Variants in RAD51C observed in about 807,000 individuals in gnomAD.
RAD51C encodes RAD51 paralog C.
Under a neutral mutation model 45.0 loss-of-function variants are expected in RAD51C, and 42 were observed. That is an observed-to-expected ratio of 0.93 (90% CI 0.73 to 1.21). The LOEUF is 1.21. Ranked by LOEUF, RAD51C falls within the 50% of genes most tolerant of loss-of-function variation. RAD51C has a pLI of 0.00. For synonymous variants in RAD51C, 172 were observed against 159.8 expected (o/e 1.08, Z -0.58); for missense variants, 474 against 452.2 (o/e 1.05, Z -0.44).
intron 5 of RAD51C, among the ~76,000 whole-genome samples, chr17:58,718,531 G>A (rs2048815340): frequency 6.6e-6 from 1 of 152,046 alleles, no homozygotes; most frequent in African/African-American, 2.4e-5. Context: ...TGTTTTCCCT[G>A]CTTTATTTAA....
chr17:58,719,527 AG>A (rs1368717560), intron 5 of RAD51C, among the ~76,000 whole-genome samples: 9 of 151,924 alleles, frequency 5.9e-5, no homozygotes, highest in African/African-American at 1.9e-4. Flanking sequence ...TTAAAAAAAA[AG>A]TTTTATGAGC....
chr17:58,733,804 C>T (rs535642909), intron 8 of RAD51C, among the ~76,000 whole-genome samples: 27 of 152,234 alleles, frequency 1.8e-4, no homozygotes, highest in Admixed American at 1.4e-3. Flanking sequence ...CTGCAACCTC[C>T]GCCTCCCAGG....
intron 4 of RAD51C, among the ~76,000 whole-genome samples, chr17:58,705,366 T>C (rs555491609): frequency 6.6e-6 from 1 of 150,942 alleles, no homozygotes; most frequent in Non-Finnish European, 1.5e-5. Context: ...GGAGTTTCGC[T>C]TTTGTCACCC....
chr17:58,731,438 T>C (rs1184121858), intron 7 of RAD51C, among the ~76,000 whole-genome samples: 1 of 152,078 alleles, frequency 6.6e-6, no homozygotes, highest in African/African-American at 2.4e-5. Context: ...TTTGTATTTT[T>C]AGTAGAGATG....
intron 4 of RAD51C, among the ~76,000 whole-genome samples, chr17:58,704,792 C>T (rs116006066): frequency 3.2e-3 from 481 of 152,240 alleles, no homozygotes; most frequent in African/African-American, 0.011. Context: ...AATTTCTACT[C>T]TTACTGACAA....
At chr17:58,703,948 T>TC (rs1178864169) in intron 4 of RAD51C, among the ~76,000 whole-genome samples, 4 of 141,714 alleles carry the variant, frequency 2.8e-5, no homozygotes, top group Non-Finnish European at 6.1e-5. Context: ...TTTTTTTTTT[T>TC]TTTTTTTTTT....
At position 58,710,538 on chromosome 17, in the gene RAD51C, G is replaced by A. The variant is rs1384821624; in HGVS notation, c.837+548G>A. On this transcript the variant is annotated intron_variant, in intron 5 of 8. Transcript: ENST00000337432. ...AAAGGACTTTGTTTGATAAAGAAAT[G>A]CCACCTTTGTTAATTGCAGTGTCTT... Among the ~76,000 whole-genome samples the A allele has an allele frequency of 2.0e-5, 3 of 148,944 alleles. No homozygotes were observed. The East Asian group carries it at 5.9e-4, about 29-fold the overall frequency.
At position 58,734,586 on chromosome 17, in the gene RAD51C, G is replaced by GTT; in HGVS notation, c.*365_*366insTT. Reference sequence around the variant, plus strand: ...GGAAGAAACATATCATATTCTTATTGTGTTTTTTTTTTTTTTTTTTTTTTT... The same window carrying GTT: ...GGAAGAAACATATCATATTCTTATTGTTTGTTTTTTTTTTTTTTTTTTTTTTT... On this transcript the variant is annotated 3_prime_UTR_variant, in exon 9 of 9. Coordinates refer to ENST00000337432, the MANE Select transcript of RAD51C (RefSeq NM_058216.3). The GTT allele has an allele frequency of 3.6e-5, 5 of 140,404 alleles. No homozygotes were observed. Among genetic ancestry groups the GTT allele is most frequent in the Admixed American group, 1.6e-4 (2 of 12,366 alleles). The allele number at this position is 140,404 out of a possible 1,614,324, so 8.7% of individuals were successfully genotyped here.
Position 58,695,191 on chromosome 17 carries a change from T to C in RAD51C, c.404+2T>C, listed in dbSNP as rs730881931. On this transcript the variant is annotated splice_donor_variant, in intron 2 of 8. Transcript: ENST00000337432. LOFTEE classifies it high-confidence loss of function. ...AGGTGTTGGAAAAACACAATTATGGTAAAATAAAGTGTTCTCCTTTTAAGG... is the reference window on the plus strand; with the variant it reads ...AGGTGTTGGAAAAACACAATTATGGCAAAATAAAGTGTTCTCCTTTTAAGG... 2 of 1,609,762 alleles carry C rather than the reference T, an allele frequency of 1.2e-6. No individual in the cohort carries two copies. Among genetic ancestry groups the C allele is most frequent in the Admixed American group, 3.4e-5 (2 of 59,614 alleles).
At chr17:58,726,851 C>T (rs1022717090) in intron 7 of RAD51C, among the ~76,000 whole-genome samples, 4 of 139,974 alleles carry the variant, frequency 2.9e-5, no homozygotes, top group East Asian at 1.9e-4. Flanking sequence ...GACGGAGTCT[C>T]GCTCTGTCGC....
chr17:58,711,380 T>A (rs1261879331), intron 5 of RAD51C, among the ~76,000 whole-genome samples: 5 of 152,186 alleles, frequency 3.3e-5, no homozygotes, highest in African/African-American at 1.2e-4. Context: ...TAATGTTACC[T>A]CAGTTTAGAG....
At chr17:58,695,842 G>T (rs2047984813) in intron 2 of RAD51C, among the ~76,000 whole-genome samples, 1 of 151,342 alleles carries the variant, frequency 6.6e-6, no homozygotes, top group South Asian at 2.1e-4. Context: ...TGAGGCGGGT[G>T]GATCACCTGA....
intron 8 of RAD51C, among the ~76,000 whole-genome samples, chr17:58,732,984 A>G (rs569567429): frequency 6.6e-6 from 1 of 152,154 alleles, no homozygotes; most frequent in Non-Finnish European, 1.5e-5. Context: ...TGAAATATGC[A>G]TATTTATCAA....
intron 5 of RAD51C, among the ~76,000 whole-genome samples, chr17:58,710,455 G>A (rs2048522115): frequency 6.8e-6 from 1 of 146,070 alleles, no homozygotes; most frequent in Non-Finnish European, 1.5e-5. Flanking sequence ...TGGAGAACGC[G>A]CCATCACACT....
chr17:58,710,501 A>C (rs2048524287), intron 5 of RAD51C, among the ~76,000 whole-genome samples: 1 of 90,636 alleles, frequency 1.1e-5, no homozygotes, highest in Admixed American at 9.7e-5. Context: ...GTCTCAAGGC[A>C]AAAAAAAAAA....
intron 5 of RAD51C, among the ~76,000 whole-genome samples, chr17:58,718,259 A>C (rs537025168): frequency 1.3e-5 from 2 of 151,874 alleles, no homozygotes; most frequent in African/African-American, 4.8e-5. Context: ...CGGCCTCCCA[A>C]AGTGCTGGGA....
At position 58,730,314 on chromosome 17, in the gene RAD51C, G is replaced by A. The variant is rs565485064; in HGVS notation, c.966-2170G>A. On this transcript the variant is annotated intron_variant, in intron 7 of 8. Transcript: ENST00000337432. ...TCAGTAGCTGGGATTACAGGTGCGT[G>A]CCACCACGCCCAGCTAATTTTTTTT... 9.9e-5 allele frequency among the ~76,000 whole-genome samples: 15 copies of A among 150,896 alleles called. No homozygotes were observed. In the East Asian group the frequency reaches 2.9e-3, roughly 29 times the overall value.
At chr17:58,706,262 A>G (rs304281) in intron 4 of RAD51C, among the ~76,000 whole-genome samples, 96,574 of 151,560 alleles carry the variant, frequency 0.64, 31,119 homozygotes, top group African/African-American at 0.71. Context: ...CCCTGTCTCT[A>G]CTAAAAATAC....
intron 4 of RAD51C, chr17:58,706,140 C>T (rs985754002): frequency 2.0e-5 from 3 of 152,394 alleles, no homozygotes; most frequent in African/African-American, 7.2e-5. Context: ...AAGAATAATC[C>T]TTTGCTGGCC....
Sources: gnomAD v4.1 joint callset for allele counts (sites outside exome capture counted in the v4.1 genomes callset) on GRCh38, gnomAD v4.1.1 for gene constraint, MANE v1.5 for transcripts, NCBI Gene and HGNC (gene_info 2026-07-23, HGNC 2026-07-21) for gene names.